Variants in UBE2V1 observed in about 807,000 individuals in gnomAD.
The protein encoded by UBE2V1 is ubiquitin-conjugating enzyme E2 variant 1.
A neutral mutation model predicts 19.6 loss-of-function variants in UBE2V1; 15 were observed. That is an observed-to-expected ratio of 0.77 (90% CI 0.51 to 1.18). The LOEUF is 1.18. Among genes scored for constraint, UBE2V1 ranks in the 50% most tolerant of loss-of-function variants. The pLI, the probability that UBE2V1 is intolerant of heterozygous loss-of-function variation, is 0.00. For synonymous variants in UBE2V1, 60 were observed against 60.7 expected (o/e 0.99, Z 0.05); for missense variants, 125 against 184.8 (o/e 0.68, Z 1.88).
intron 1 of UBE2V1, among the ~76,000 whole-genome samples, chr20:50,110,652 C>G (rs1226969673): frequency 6.6e-6 from 1 of 152,222 alleles, no homozygotes; most frequent in African/African-American, 2.4e-5. Flanking sequence ...TCATACTCCT[C>G]TTTTTAAGAC....
chr20:50,089,135 C>A (rs2079084271), intron 2 of UBE2V1, among the ~76,000 whole-genome samples: 1 of 152,096 alleles, frequency 6.6e-6, no homozygotes, highest in Non-Finnish European at 1.5e-5. Flanking sequence ...CAAAGGGAAT[C>A]TAAGCTAACA....
intron 2 of UBE2V1, among the ~76,000 whole-genome samples, chr20:50,093,059 C>T (rs2079336990): frequency 6.6e-6 from 1 of 152,244 alleles, no homozygotes; most frequent in South Asian, 2.1e-4. Flanking sequence ...TCATGGAGAT[C>T]ATTCCATTTC....
At chr20:50,104,317 A>C in intron 1 of UBE2V1, 1 of 979,896 alleles carries the variant, frequency 1.0e-6, no homozygotes, top group Non-Finnish European at 1.2e-6. Flanking sequence ...TTCCTATTGT[A>C]AACTCTAATC....
chr20:50,087,879 C>T (rs1342775937), intron 2 of UBE2V1, among the ~76,000 whole-genome samples: 1 of 152,128 alleles, frequency 6.6e-6, no homozygotes, highest in Non-Finnish European at 1.5e-5. Flanking sequence ...TGGGCACACA[C>T]ACACATACGA....
chr20:50,087,241 C>CA (rs1189708773), intron 2 of UBE2V1, among the ~76,000 whole-genome samples: 8 of 151,862 alleles, frequency 5.3e-5, no homozygotes, highest in African/African-American at 1.9e-4. Flanking sequence ...ACTAAAAATA[C>CA]AAAAATTAGC....
At chr20:50,092,615 A>G (rs1054626287) in intron 2 of UBE2V1, among the ~76,000 whole-genome samples, 1 of 152,228 alleles carries the variant, frequency 6.6e-6, no homozygotes, top group Non-Finnish European at 1.5e-5. Context: ...GACTATTGTT[A>G]GTACTTCTGT....
At chr20:50,109,812 A>G (rs2080634346) in intron 1 of UBE2V1, among the ~76,000 whole-genome samples, 1 of 151,044 alleles carries the variant, frequency 6.6e-6, no homozygotes, top group Non-Finnish European at 1.5e-5. Flanking sequence ...CCATCACTGG[A>G]GCAGGCTGCT....
rs10661118 is a variant in UBE2V1 at position 50,088,785 on chromosome 20, C to CAAAAA, written c.172-4536_172-4532dup. Among the ~76,000 whole-genome samples, 3 of 119,612 alleles carry CAAAAA rather than the reference C, an allele frequency of 2.5e-5. No individual in the cohort carries two copies. The East Asian group carries it at 7.0e-4, about 28-fold the overall frequency. The allele number at this position is 119,612 out of a possible 152,430, so 78.5% of individuals were successfully genotyped here. ...TGGGTGACAGAATGAGACCCTATCT[C>CAAAAA]AAAAAAAAAAAAAAAAGTATGAGAT... is the stretch of plus-strand genomic sequence containing the variant. On this transcript the variant is annotated intron_variant, in intron 2 of 3. Transcript: ENST00000371674.
chr20:50,086,024 C>T (rs1050272521), intron 2 of UBE2V1, among the ~76,000 whole-genome samples: 8 of 152,176 alleles, frequency 5.3e-5, no homozygotes, highest in Non-Finnish European at 1.0e-4. Flanking sequence ...CTCTTTCTCT[C>T]TTGCTCCCGG....
chr20:50,099,799 T>C (rs2079867818), intron 1 of UBE2V1, among the ~76,000 whole-genome samples: 1 of 152,230 alleles, frequency 6.6e-6, no homozygotes, highest in Admixed American at 6.5e-5. Context: ...ACAATGATTT[T>C]AATGTTACTA....
chr20:50,097,060 T>A (rs1156689257), intron 1 of UBE2V1, among the ~76,000 whole-genome samples: 2 of 152,120 alleles, frequency 1.3e-5, no homozygotes, highest in African/African-American at 4.8e-5. Context: ...TAACCAAACT[T>A]AGAAAGATAC....
upstream of UBE2V1, chr20:50,115,065 CAA>C (rs58162069): frequency 4.9e-4 from 63 of 129,490 alleles, no homozygotes; most frequent in Non-Finnish European, 7.1e-4. Flanking sequence ...GATTCAGTCT[CAA>C]AAAAAAAAAA....
chr20:50,085,547 T>TTCTCCGGCATCAGTACCC (rs1375021556), intron 2 of UBE2V1, among the ~76,000 whole-genome samples: 3 of 151,958 alleles, frequency 2.0e-5, no homozygotes, highest in Admixed American at 6.6e-5. Context: ...CATCAGTGCC[T>TTCTCCGGCATCAGTACCC]TCTCCGGCAT....
In UBE2V1 at chr20:50,086,715, T is replaced by C. The variant is rs149412143; in HGVS notation, c.172-2461A>G. Among the ~76,000 whole-genome samples the C allele has an allele frequency of 1.4e-4, 22 of 152,250 alleles. No homozygotes were observed. The East Asian group carries it at 3.7e-3, about 25-fold the overall frequency. ...TCACCACTGATATTCATCTGGTAATTTCACTGGAAGACAGTAAAAAAAAAA... is the reference window on the plus strand; with the variant it reads ...TCACCACTGATATTCATCTGGTAATCTCACTGGAAGACAGTAAAAAAAAAA... On this transcript the variant is annotated intron_variant, in intron 2 of 3. Coordinates refer to ENST00000371674, the MANE Select transcript of UBE2V1 (RefSeq NM_001032288.3).
intron 1 of UBE2V1, among the ~76,000 whole-genome samples, chr20:50,106,643 C>T (rs1462539055): frequency 2.0e-5 from 3 of 151,958 alleles, no homozygotes; most frequent in African/African-American, 7.2e-5. Context: ...ACAGCCTGAC[C>T]AAGATGGAGA....
chr20:50,113,004 C>A, intron 1 of UBE2V1, 103 bp downstream of exon 1: 2 of 473,364 alleles, frequency 4.2e-6, no homozygotes, highest in Non-Finnish European at 3.4e-6. Context: ...CAGACAGAGG[C>A]GGCGCGGGGA....
chr20:50,106,363 C>T (rs1421449004), intron 1 of UBE2V1, among the ~76,000 whole-genome samples: 2 of 152,136 alleles, frequency 1.3e-5, no homozygotes, highest in African/African-American at 4.8e-5. Flanking sequence ...TTACACCATG[C>T]CACAGTAAAA....
At chr20:50,090,917 C>G (rs1601000521) in intron 2 of UBE2V1, among the ~76,000 whole-genome samples, 1 of 152,254 alleles carries the variant, frequency 6.6e-6, no homozygotes, top group Non-Finnish European at 1.5e-5. Flanking sequence ...ATATATACAG[C>G]TTTTATTTAT....
upstream of UBE2V1, chr20:50,115,847 C>A (rs1252234099): frequency 1.2e-5 from 4 of 320,518 alleles, no homozygotes; most frequent in Non-Finnish European, 2.2e-5. Flanking sequence ...CTATGGTGCC[C>A]GTAAATGTTT....
Sources: allele counts gnomAD v4.1 joint callset (sites outside exome capture counted in the v4.1 genomes callset), GRCh38; gene constraint gnomAD v4.1.1; transcripts MANE v1.5; gene names NCBI Gene and HGNC (gene_info 2026-07-23, HGNC 2026-07-21).